The following CREM variants were observed in gnomAD, a reference collection of about 807,000 sequenced individuals.
The protein encoded by CREM is cAMP responsive element modulator, also known as cAMP-responsive element modulator.
A neutral mutation model predicts 37.3 loss-of-function variants in CREM; 13 were observed. That is an observed-to-expected ratio of 0.35 (90% CI 0.23 to 0.55). CREM has a LOEUF of 0.55. Ranked by LOEUF, CREM falls within the 20% of genes least tolerant of loss-of-function variation. The probability of loss-of-function intolerance (pLI) is 0.88; values close to 1 mark genes in which losing one functional copy is unlikely to be tolerated. For synonymous variants in CREM, 124 were observed against 120.2 expected (o/e 1.03, Z -0.21); for missense variants, 296 against 362.3 (o/e 0.82, Z 1.49).
chr10:35,191,488 C>T (rs2094916782), intron 6 of CREM, among the ~76,000 whole-genome samples: 1 of 151,872 alleles, frequency 6.6e-6, no homozygotes, highest in South Asian at 2.1e-4. Flanking sequence ...TTAAACACAG[C>T]AAGGCCAGTG....
At chr10:35,138,327 G>A (rs1487813839) in intron 2 of CREM, among the ~76,000 whole-genome samples, 3 of 152,068 alleles carry the variant, frequency 2.0e-5, no homozygotes, top group East Asian at 1.9e-4. Context: ...ATTCTGTTTC[G>A]TTAGTTGGAT....
chr10:35,204,262 A>G (rs1480507296), intron 6 of CREM, among the ~76,000 whole-genome samples: 1 of 152,232 alleles, frequency 6.6e-6, no homozygotes, highest in Non-Finnish European at 1.5e-5. Flanking sequence ...AGTCACAAAA[A>G]CAAATTTAGG....
intron 1 of CREM, among the ~76,000 whole-genome samples, chr10:35,137,477 C>T (rs1198177748): frequency 6.6e-6 from 1 of 152,112 alleles, no homozygotes; most frequent in Non-Finnish European, 1.5e-5. Context: ...ACTGCTTTCT[C>T]TTCAGTAGAA....
intron 6 of CREM, among the ~76,000 whole-genome samples, chr10:35,194,325 A>G (rs910587368): frequency 6.6e-6 from 1 of 152,178 alleles, no homozygotes; most frequent in Non-Finnish European, 1.5e-5. Context: ...TGACATTTAA[A>G]AAAAATGTAC....
chr10:35,177,077 CAAAA>C (rs11343403), intron 3 of CREM, among the ~76,000 whole-genome samples: 3 of 145,482 alleles, frequency 2.1e-5, no homozygotes, highest in Admixed American at 6.9e-5. Context: ...TAATTGATGA[CAAAA>C]AAAAAAATCT....
chr10:35,191,680 T>A (rs2094925584), intron 6 of CREM, among the ~76,000 whole-genome samples: 1 of 152,118 alleles, frequency 6.6e-6, no homozygotes, highest in Non-Finnish European at 1.5e-5. Context: ...TCCTCCTTGC[T>A]CTTCTCTCTC....
intron 2 of CREM, among the ~76,000 whole-genome samples, chr10:35,146,281 T>C (rs889059605): frequency 6.6e-6 from 1 of 152,182 alleles, no homozygotes; most frequent in African/African-American, 2.4e-5. Context: ...ATACTCCTGC[T>C]AGGGCATGCT....
intron 3 of CREM, among the ~76,000 whole-genome samples, chr10:35,168,027 A>G (rs1221596987): frequency 6.6e-6 from 1 of 151,958 alleles, no homozygotes; most frequent in East Asian, 1.9e-4. Context: ...TATGTGCCAC[A>G]TTTTCTTAAT....
chr10:35,193,797 C>T (rs1020628959), intron 6 of CREM, among the ~76,000 whole-genome samples: 2 of 151,990 alleles, frequency 1.3e-5, no homozygotes, highest in South Asian at 2.1e-4. Context: ...GGGTTGAATT[C>T]TAATCATACA....
At chr10:35,132,411 A>G (rs2089597866) in intron 1 of CREM, among the ~76,000 whole-genome samples, 1 of 152,142 alleles carries the variant, frequency 6.6e-6, no homozygotes, top group Non-Finnish European at 1.5e-5. Flanking sequence ...ACACTTACTG[A>G]ATAGCTAGTC....
chr10:35,156,274 A>C (rs1352244949), intron 3 of CREM, among the ~76,000 whole-genome samples: 1 of 150,682 alleles, frequency 6.6e-6, no homozygotes, highest in Non-Finnish European at 1.5e-5. Context: ...TAAGAAACAG[A>C]GTCTCACTCT....
intron 5 of CREM, among the ~76,000 whole-genome samples, chr10:35,181,453 C>T (rs1471122528): frequency 2.6e-5 from 4 of 152,150 alleles, no homozygotes; most frequent in East Asian, 1.9e-4. Context: ...GGCTTCATTC[C>T]CTGTGTCCTT....
At chr10:35,166,634 CTGGAGGATTGCT>C (rs938438767) in intron 3 of CREM, among the ~76,000 whole-genome samples, 23 of 151,274 alleles carry the variant, frequency 1.5e-4, no homozygotes, top group African/African-American at 5.6e-4. Flanking sequence ...GAGTTTGAGG[CTGGAGGATTGCT>C]TGAGCCTGGA....
At chr10:35,162,464 T>C (rs2136435999) in intron 3 of CREM, among the ~76,000 whole-genome samples, 1 of 152,304 alleles carries the variant, frequency 6.6e-6, no homozygotes, top group Middle Eastern at 3.4e-3. Flanking sequence ...CTATTATTAA[T>C]TAGCTAGATT....
chr10:35,185,393 C>T (rs574741701), intron 5 of CREM, among the ~76,000 whole-genome samples: 30 of 152,220 alleles, frequency 2.0e-4, no homozygotes, highest in African/African-American at 4.1e-4. Context: ...TGTGAGCCAC[C>T]GCGCCCGGCC....
chr10:35,152,655 A>T (rs956125395), intron 3 of CREM, among the ~76,000 whole-genome samples: 1 of 152,198 alleles, frequency 6.6e-6, no homozygotes. Context: ...GTGTGTTGAT[A>T]TACAGGACTA....
rs1330007718 is a variant in CREM at position 35,179,121 on chromosome 10, A to C, written c.267-13A>C. On this transcript the variant is annotated splice_polypyrimidine_tract_variant and intron_variant, in intron 4 of 7. Transcript: ENST00000685392. ...TGTATCTTAGTGACTTACCTTGTTA[A>C]ATTGTATTTTAGGAAAATACTGAAT... is the stretch of plus-strand genomic sequence containing the variant. 2.5e-6 allele frequency: 4 copies of C among 1,602,678 alleles called. No individual in the cohort carries two copies. In the South Asian group the frequency reaches 4.5e-5, roughly 18 times the overall value.
intron 7 of CREM, among the ~76,000 whole-genome samples, chr10:35,209,701 T>C (rs760090449): frequency 1.3e-5 from 2 of 152,254 alleles, no homozygotes; most frequent in Non-Finnish European, 2.9e-5. Flanking sequence ...GAATTTAATA[T>C]AATTTAATCA....
intron 7 of CREM, chr10:35,210,583 T>C (rs889458378): frequency 2.6e-5 from 4 of 152,226 alleles, no homozygotes; most frequent in Admixed American, 6.5e-5. Flanking sequence ...CTCACATTTG[T>C]GGGTTTAAAT....
Sources: allele counts gnomAD v4.1 joint callset (sites outside exome capture counted in the v4.1 genomes callset), GRCh38; gene constraint gnomAD v4.1.1; transcripts MANE v1.5; gene names NCBI Gene and HGNC (gene_info 2026-07-23, HGNC 2026-07-21).